CDH18: variants seen among roughly 807,000 people sequenced by gnomAD.
The protein encoded by CDH18 is cadherin 18.
In CDH18, 31 loss-of-function variants were observed where a neutral mutation model predicts 67.9. The observed-to-expected ratio is 0.46, with a 90% CI of 0.34 to 0.62. The LOEUF (loss-of-function observed/expected upper bound fraction) is 0.62, where lower values mean the gene tolerates loss of function less well. Among genes scored for constraint, CDH18 ranks in the 20% least tolerant of loss-of-function variants. CDH18 has a pLI of 0.01. For missense variants in CDH18, 890 were observed against 975.5 expected (o/e 0.91, Z 1.17); for synonymous variants, 362 against 347.2 (o/e 1.04, Z -0.48).
intron 1 of CDH18, among the ~76,000 whole-genome samples, chr5:20,325,482 G>A (rs73056760): frequency 0.086 from 13,104 of 151,970 alleles, 889 homozygotes; most frequent in East Asian, 0.29. Context: ...TAATCAGAGC[G>A]AAACAAACAT....
chr5:20,076,523 G>C (rs1743952171), intron 2 of CDH18, among the ~76,000 whole-genome samples: 2 of 151,098 alleles, frequency 1.3e-5, no homozygotes, highest in Admixed American at 6.6e-5. Flanking sequence ...TAAAATAAAT[G>C]AATGTCTTTG....
chr5:20,440,808 C>T (rs1749550911), intron 1 of CDH18, among the ~76,000 whole-genome samples: 1 of 151,946 alleles, frequency 6.6e-6, no homozygotes, highest in Non-Finnish European at 1.5e-5. Context: ...TGCTAGGCAC[C>T]CTGCCATGTC....
intron 2 of CDH18, among the ~76,000 whole-genome samples, chr5:19,869,642 G>A (rs7704857): frequency 0.033 from 4,972 of 152,136 alleles, 250 homozygotes; most frequent in African/African-American, 0.1. Flanking sequence ...AAGAAGCTGT[G>A]AGGATTAAAT....
intron 2 of CDH18, among the ~76,000 whole-genome samples, chr5:20,103,811 A>G (rs1746687875): frequency 1.3e-4 from 1 of 7,470 alleles, no homozygotes; most frequent in Non-Finnish European, 7.9e-4. Flanking sequence ...AGAAACCAAA[A>G]GAAAAAAAAA....
intron 2 of CDH18, among the ~76,000 whole-genome samples, chr5:19,917,139 G>C (rs1406158166): frequency 6.6e-6 from 1 of 152,100 alleles, no homozygotes; most frequent in Admixed American, 6.6e-5. Context: ...AGTTCAGTTT[G>C]AGAAAAGTGA....
chr5:20,352,373 G>C (rs980668558), intron 1 of CDH18, among the ~76,000 whole-genome samples: 10 of 151,838 alleles, frequency 6.6e-5, no homozygotes, highest in African/African-American at 2.4e-4. Flanking sequence ...CTGGGGGGAA[G>C]TCAAAAATTA....
At chr5:20,088,699 T>C (rs1745180103) in intron 2 of CDH18, among the ~76,000 whole-genome samples, 1 of 152,198 alleles carries the variant, frequency 6.6e-6, no homozygotes, top group African/African-American at 2.4e-5. Flanking sequence ...TCAAGTTTTA[T>C]ATTATTTAAG....
At chr5:19,854,976 G>A (rs1784110460) in intron 2 of CDH18, among the ~76,000 whole-genome samples, 1 of 144,862 alleles carries the variant, frequency 6.9e-6, no homozygotes, top group Non-Finnish European at 1.5e-5. Flanking sequence ...AAATAAATGA[G>A]AACATGAATA....
chr5:19,733,594 C>T (rs1217573638), intron 4 of CDH18, among the ~76,000 whole-genome samples: 1 of 151,996 alleles, frequency 6.6e-6, no homozygotes, highest in Non-Finnish European at 1.5e-5. Context: ...ATGAGGGTGC[C>T]CAGAAAGTCT....
chr5:19,869,990 A>C (rs1242579570), intron 2 of CDH18, among the ~76,000 whole-genome samples: 2 of 152,142 alleles, frequency 1.3e-5, no homozygotes, highest in Admixed American at 6.5e-5. Context: ...AGTTGTAAAC[A>C]TCATATAAAA....
chr5:20,469,126 A>G (rs1239110825), intron 1 of CDH18, among the ~76,000 whole-genome samples: 1 of 152,192 alleles, frequency 6.6e-6, no homozygotes, highest in Non-Finnish European at 1.5e-5. Context: ...CACCAAACCA[A>G]AAAGGAAAGG....
chr5:20,050,944 G>C (rs575229125), intron 2 of CDH18, among the ~76,000 whole-genome samples: 1 of 151,800 alleles, frequency 6.6e-6, no homozygotes, highest in African/African-American at 2.4e-5. Context: ...TCACTCTCTT[G>C]CAATTTACAG....
rs542603656 is a variant in CDH18, at chr5:19,706,411, C to A, written c.643+14936G>T. 5.9e-5 allele frequency among the ~76,000 whole-genome samples: 9 copies of A among 152,334 alleles called. No individual in the cohort carries two copies. In the South Asian group the frequency reaches 1.9e-3, roughly 32 times the overall value. On this transcript the variant is annotated intron_variant, in intron 5 of 12. Transcript: ENST00000382275. ...AGATACAGCATTACCTGGAAAAAAG[C>A]TAAAGCTATTATCCAGCATTGCCCA...
At chr5:20,530,520 G>C (rs901527216) in intron 1 of CDH18, among the ~76,000 whole-genome samples, 2 of 152,000 alleles carry the variant, frequency 1.3e-5, no homozygotes, top group Non-Finnish European at 2.9e-5. Flanking sequence ...AAACAGCATG[G>C]TACTGGTACA....
intron 2 of CDH18, among the ~76,000 whole-genome samples, chr5:19,908,159 TAATC>T (rs1790733887): frequency 6.6e-6 from 1 of 152,098 alleles, no homozygotes; most frequent in South Asian, 2.1e-4. Context: ...CAGAAATACT[TAATC>T]ATTCATTTAC....
intron 2 of CDH18, among the ~76,000 whole-genome samples, chr5:19,870,607 C>G (rs547536433): frequency 6.6e-6 from 1 of 152,160 alleles, no homozygotes; most frequent in African/African-American, 2.4e-5. Context: ...CTCCCCTGAG[C>G]AAGTTTATGT....
Position 19,776,748 on chromosome 5 carries a change from A to G in CDH18, c.229-29512T>C, listed in dbSNP as rs74403787. Among the ~76,000 whole-genome samples the G allele has an allele frequency of 5.7e-3, 862 of 152,310 alleles. 2 individuals are homozygous for G. Among genetic ancestry groups the G allele is most frequent in the African/African-American group, 0.015 (644 of 41,578 alleles). ...TGGCACCATAGTGAAATAAGACTAT[A>G]TAAGTGGGAGCTTTGGAGTGTGGTA... On this transcript the variant is annotated intron_variant, in intron 3 of 12. Transcript: ENST00000382275.
rs3065078 is a variant in CDH18 at position 19,962,378 on chromosome 5, C to CAAAAAAAAAAAAA, written c.-257+18669_-257+18681dup. Among the ~76,000 whole-genome samples, 91 of 51,568 alleles carry CAAAAAAAAAAAAA rather than the reference C, an allele frequency of 1.8e-3. 5 individuals are homozygous for CAAAAAAAAAAAAA. The highest frequency in any genetic ancestry group is 7.1e-3 in the East Asian group (13 of 1,822). 33.8% of individuals were successfully genotyped at this position (51,568 alleles called of 152,430 possible). A position where few individuals can be genotyped will look rare whatever the true frequency, so the allele number is the denominator to read the frequency against. On this transcript the variant is annotated intron_variant, in intron 2 of 12. Transcript: ENST00000382275. ...AATTTAGAGAATAAACGTCAAAAAG[C>CAAAAAAAAAAAAA]AAAAAAAAAAAAAAAAAAGAAAATT...
At chr5:20,104,936 T>C (rs1427775071) in intron 2 of CDH18, among the ~76,000 whole-genome samples, 7 of 152,172 alleles carry the variant, frequency 4.6e-5, no homozygotes, top group Non-Finnish European at 1.0e-4. Flanking sequence ...CCATCTCACA[T>C]GATTTATGAT....
Sources: gnomAD v4.1 joint callset for allele counts (sites outside exome capture counted in the v4.1 genomes callset) on GRCh38, gnomAD v4.1.1 for gene constraint, MANE v1.5 for transcripts, NCBI Gene and HGNC (gene_info 2026-07-23, HGNC 2026-07-21) for gene names.